PTPRN2: variants seen among roughly 807,000 people sequenced by gnomAD.
PTPRN2 encodes the protein protein tyrosine phosphatase receptor type N2, also known as receptor-type tyrosine-protein phosphatase N2.
In PTPRN2, 74 loss-of-function variants were observed where a neutral mutation model predicts 118.8. That is an observed-to-expected ratio of 0.62 (90% CI 0.52 to 0.76). The LOEUF is 0.76. PTPRN2 is among the 30% of genes least tolerant of loss of function. The pLI is 0.00. For synonymous variants in PTPRN2, 641 were observed against 608.0 expected, an observed-to-expected ratio of 1.05 and a Z score of -0.80; for missense variants, 1,481 against 1,394.4, an observed-to-expected ratio of 1.06 and a Z score of -0.99.
intron 2 of PTPRN2, among the ~76,000 whole-genome samples, chr7:158,389,132 C>A (rs145766536): frequency 6.6e-6 from 1 of 152,190 alleles, no homozygotes; most frequent in Admixed American, 6.5e-5. Context: ...GGGAAACAGG[C>A]GTCCGAAGGG....
intron 1 of PTPRN2, among the ~76,000 whole-genome samples, chr7:158,532,265 C>T (rs1825302317): frequency 6.6e-6 from 1 of 152,216 alleles, no homozygotes; most frequent in African/African-American, 2.4e-5. Flanking sequence ...TTGTTATCTG[C>T]TCTTGGCCTC....
chr7:157,600,006 T>A (rs1214783217), intron 16 of PTPRN2, among the ~76,000 whole-genome samples: 1 of 98,468 alleles, frequency 1.0e-5, no homozygotes, highest in Non-Finnish European at 2.0e-5. Flanking sequence ...TGCCCACCTC[T>A]CCACCTGCCC....
Position 158,182,608 on chromosome 7 carries a change from A to G in PTPRN2, c.549+9719T>C, listed in dbSNP as rs552650556. ...CTGTTCCTGTGTTAGTTTGTTGAGG[A>G]TGATGGCTTCTAGCTTCATCCATGT... On this transcript the variant is annotated intron_variant, in intron 5 of 22. Transcript: ENST00000389418. 1.6e-4 allele frequency among the ~76,000 whole-genome samples: 24 copies of G among 152,276 alleles called. No individual in the cohort carries two copies. In the East Asian group the frequency reaches 4.4e-3, roughly 28 times the overall value.
chr7:158,465,686 A>T (rs1283696106), intron 2 of PTPRN2, among the ~76,000 whole-genome samples: 1 of 152,190 alleles, frequency 6.6e-6, no homozygotes, highest in Admixed American at 6.5e-5. Context: ...CTGTTTAACC[A>T]CTGCACAGTT....
intron 10 of PTPRN2, among the ~76,000 whole-genome samples, chr7:158,092,249 T>C (rs1218878209): frequency 1.3e-5 from 2 of 149,412 alleles, no homozygotes; most frequent in East Asian, 4.0e-4. Flanking sequence ...TGCATACATA[T>C]ATACATGTGC....
chr7:157,705,122 G>A (rs550928324), intron 12 of PTPRN2, among the ~76,000 whole-genome samples: 19 of 152,264 alleles, frequency 1.2e-4, no homozygotes, highest in Middle Eastern at 6.8e-3. Context: ...TGGCCAATAT[G>A]GTGAAACCCC....
chr7:157,788,103 C>T (rs1031647094), intron 12 of PTPRN2, among the ~76,000 whole-genome samples: 7 of 152,192 alleles, frequency 4.6e-5, no homozygotes, highest in Admixed American at 2.6e-4. Context: ...AGGCTGGGCG[C>T]GGTGGCTCAT....
At chr7:157,563,834 C>A (rs575274940) in intron 21 of PTPRN2, among the ~76,000 whole-genome samples, 1 of 149,884 alleles carries the variant, frequency 6.7e-6, no homozygotes, top group East Asian at 2.0e-4. Flanking sequence ...CACCACATGC[C>A]ACAGATCAAG....
chr7:157,540,007 T>A lies in PTPRN2; in HGVS notation c.*707A>T, dbSNP rs1007683905. ...CAATGTTGGGGTGCATCTGTAACTT[T>A]GCAAAGGTGAGGTCAGGGGAGTGCC... On this transcript the variant is annotated 3_prime_UTR_variant, in exon 23 of 23. Transcript: ENST00000389418. 1 of 152,248 alleles carries A rather than the reference T, an allele frequency of 6.6e-6. No homozygotes were observed. The highest frequency in any genetic ancestry group is 1.5e-5 in the Non-Finnish European group (1 of 68,060). 9.4% of individuals were successfully genotyped at this position (152,248 alleles called of 1,614,324 possible). A position where few individuals can be genotyped will look rare whatever the true frequency, so the allele number is the denominator to read the frequency against.
At chr7:158,311,301 T>C (rs62479656) in intron 3 of PTPRN2, among the ~76,000 whole-genome samples, 36,466 of 152,142 alleles carry the variant, frequency 0.24, 5,047 homozygotes, top group East Asian at 0.38. Context: ...TATGTACATA[T>C]TTGGTTTTTT....
intron 12 of PTPRN2, among the ~76,000 whole-genome samples, chr7:157,829,084 G>A (rs1236286308): frequency 3.9e-5 from 6 of 152,274 alleles, no homozygotes; most frequent in African/African-American, 4.8e-5. Flanking sequence ...AGCGCGGGGC[G>A]CAGCCGGGCG....
chr7:158,159,948 T>A (rs1822210136), intron 6 of PTPRN2, among the ~76,000 whole-genome samples: 1 of 152,052 alleles, frequency 6.6e-6, no homozygotes, highest in Non-Finnish European at 1.5e-5. Context: ...TCCCCAAATA[T>A]CTGAATATCA....
At chr7:158,394,075 CCCCACAGATGCCTGGACCCTTCTCT>C in intron 2 of PTPRN2, among the ~76,000 whole-genome samples, 1 of 150,994 alleles carries the variant, frequency 6.6e-6, no homozygotes, top group East Asian at 2.0e-4. Flanking sequence ...CCCCTCTGTA[CCCCACAGATGCCTGGACCCTTCTCT>C]CCCACAGACA....
intron 3 of PTPRN2, among the ~76,000 whole-genome samples, chr7:158,262,947 CACACACAT>C (rs1197024142): frequency 2.1e-5 from 3 of 145,338 alleles, no homozygotes; most frequent in East Asian, 2.1e-4. Context: ...CACACACATT[CACACACAT>C]ACACACATTC....
Position 157,595,222 on chromosome 7 carries a change from A to G in PTPRN2, c.2496+16T>C. On this transcript the variant is annotated intron_variant, in intron 17 of 22. Transcript: ENST00000389418. Reference sequence around the variant, plus strand: ...CTTCTTTTCAGAAAGAGAGATTTTAATTTAAAAATGTTCACCTGCCAAAAG... The same window carrying G: ...CTTCTTTTCAGAAAGAGAGATTTTAGTTTAAAAATGTTCACCTGCCAAAAG... The G allele has an allele frequency of 6.2e-7, 1 of 1,612,486 alleles. No homozygotes were observed. Among genetic ancestry groups the G allele is most frequent in the South Asian group, 1.1e-5 (1 of 91,044 alleles).
chr7:157,641,446 C>A (rs1804659854), intron 14 of PTPRN2, among the ~76,000 whole-genome samples: 1 of 152,142 alleles, frequency 6.6e-6, no homozygotes, highest in African/African-American at 2.4e-5. Flanking sequence ...TTAGAAACGT[C>A]ACTGCAATAC....
rs566262638 is a variant in PTPRN2 at position 157,664,688 on chromosome 7, G to A, written c.2002-8137C>T. 3.7e-4 allele frequency among the ~76,000 whole-genome samples: 56 copies of A among 152,332 alleles called. No homozygotes were observed. The South Asian group carries it at 0.011, about 30-fold the overall frequency. Reference sequence around the variant, plus strand: ...GTGGGAGGATCACTTGAGCCCAGGAGGATGAGGCTGCAGTGAGCTATGATT... The same window carrying A: ...GTGGGAGGATCACTTGAGCCCAGGAAGATGAGGCTGCAGTGAGCTATGATT... On this transcript the variant is annotated intron_variant, in intron 13 of 22. Coordinates refer to ENST00000389418, the MANE Select transcript of PTPRN2 (RefSeq NM_002847.5).
chr7:158,492,028 G>A (rs1278814019), intron 1 of PTPRN2, among the ~76,000 whole-genome samples: 2 of 152,144 alleles, frequency 1.3e-5, no homozygotes, highest in Non-Finnish European at 2.9e-5. Context: ...GGAGGTTAGA[G>A]GTCCTCTCAG....
chr7:158,377,106 AG>A (rs1350510211), intron 2 of PTPRN2, among the ~76,000 whole-genome samples: 8 of 15,376 alleles, frequency 5.2e-4, no homozygotes, highest in African/African-American at 2.6e-3. Context: ...ACACGTCCTG[AG>A]AGGGGGGTCA....
Sources: allele counts gnomAD v4.1 joint callset (sites outside exome capture counted in the v4.1 genomes callset), GRCh38; gene constraint gnomAD v4.1.1; transcripts MANE v1.5; gene names NCBI Gene and HGNC (gene_info 2026-07-23, HGNC 2026-07-21).